The following RIMBP2 variants were observed in gnomAD, a reference collection of about 807,000 sequenced individuals.
RIMBP2 encodes the protein RIMS binding protein 2.
Under a neutral mutation model 118.6 loss-of-function variants are expected in RIMBP2, and 48 were observed. That is an observed-to-expected ratio of 0.40 (90% CI 0.32 to 0.51). The LOEUF (loss-of-function observed/expected upper bound fraction) is 0.51. Among genes scored for constraint, RIMBP2 ranks in the 20% least tolerant of loss-of-function variants. RIMBP2 has a pLI of 0.41. For synonymous variants in RIMBP2, 762 were observed against 742.9 expected (o/e 1.03, Z -0.42); for missense variants, 1,551 against 1,768.3 (o/e 0.88, Z 2.20).
chr12:130,582,157 C>T (rs2058525378), intron 2 of RIMBP2, among the ~76,000 whole-genome samples: 1 of 152,340 alleles, frequency 6.6e-6, no homozygotes, highest in Admixed American at 6.5e-5. Context: ...ATAGCACTCC[C>T]TACCTTTGAA....
rs74615553 is a variant in RIMBP2 at position 130,562,568 on chromosome 12, A to C, written c.-216-44651T>G. 2.0e-3 allele frequency among the ~76,000 whole-genome samples: 302 copies of C among 152,344 alleles called. 11 individuals are homozygous for C. The East Asian group carries it at 0.048, about 24-fold the overall frequency. On this transcript the variant is annotated intron_variant, in intron 2 of 22. Transcript: ENST00000690449. ...CTGGAAGCTCACATAGAAGAAAGAAAAATCTTTTCTAGTAGCCATCTATGA... is the reference window on the plus strand; with the variant it reads ...CTGGAAGCTCACATAGAAGAAAGAACAATCTTTTCTAGTAGCCATCTATGA...
chr12:130,669,460 C>T (rs185512821), intron 1 of RIMBP2, among the ~76,000 whole-genome samples: 7 of 152,210 alleles, frequency 4.6e-5, no homozygotes, highest in East Asian at 3.9e-4. Flanking sequence ...CACCACGGGG[C>T]GGTTTCCCCG....
intron 2 of RIMBP2, among the ~76,000 whole-genome samples, chr12:130,522,672 A>G (rs902565050): frequency 2.6e-5 from 4 of 152,300 alleles, no homozygotes; most frequent in African/African-American, 9.6e-5. Flanking sequence ...GGGGAGGTGC[A>G]GGGAGCCCCA....
intron 3 of RIMBP2, among the ~76,000 whole-genome samples, chr12:130,514,356 T>A (rs7305920): frequency 0.17 from 25,699 of 152,286 alleles, 2,529 homozygotes; most frequent in African/African-American, 0.27. Flanking sequence ...AACAAAGTGG[T>A]TTGAATCCTG....
intron 2 of RIMBP2, among the ~76,000 whole-genome samples, chr12:130,555,531 GATTAT>G (rs777916475): frequency 2.0e-5 from 3 of 152,072 alleles, no homozygotes; most frequent in Non-Finnish European, 4.4e-5. Context: ...ACAGAAATAT[GATTAT>G]ATTATTACAG....
At chr12:130,671,820 T>C (rs1282189895) in intron 1 of RIMBP2, among the ~76,000 whole-genome samples, 1 of 151,670 alleles carries the variant, frequency 6.6e-6, no homozygotes. Context: ...GGTTTAATGA[T>C]TGCCTGAAAT....
At chr12:130,641,571 C>T (rs1352775808) in intron 1 of RIMBP2, among the ~76,000 whole-genome samples, 4 of 152,196 alleles carry the variant, frequency 2.6e-5, no homozygotes, top group African/African-American at 9.6e-5. Flanking sequence ...TCATAACTGC[C>T]GCCCTCAATT....
rs556243628 is a variant in RIMBP2, at chr12:130,403,103, C to T, written c.3765+3069G>A. 2.2e-4 allele frequency among the ~76,000 whole-genome samples: 34 copies of T among 152,160 alleles called. No individual in the cohort carries two copies. In the South Asian group the frequency reaches 4.2e-3, roughly 19 times the overall value. On this transcript the variant is annotated intron_variant, in intron 21 of 22. Coordinates refer to ENST00000690449, the MANE Select transcript of RIMBP2 (RefSeq NM_001393629.1). ...GAGGGTGATATTACAATATTAGGAC[C>T]GGTGGAGTATTTGAATTCGCTCTCT...
chr12:130,712,063 C>T (rs1949956577), intron 1 of RIMBP2, among the ~76,000 whole-genome samples: 1 of 152,256 alleles, frequency 6.6e-6, no homozygotes, highest in Non-Finnish European at 1.5e-5. Flanking sequence ...CTGTATAGGG[C>T]GCTTAGCATG....
intron 17 of RIMBP2, among the ~76,000 whole-genome samples, chr12:130,421,471 A>G (rs2076398864): frequency 6.6e-6 from 1 of 152,224 alleles, no homozygotes; most frequent in Non-Finnish European, 1.5e-5. Flanking sequence ...GCAGGACACA[A>G]TTTCAAAGAA....
chr12:130,414,451 A>C, intron 17 of RIMBP2, 145 bp from the exon 18 acceptor site: 1 of 734,362 alleles, frequency 1.4e-6, no homozygotes, highest in Admixed American at 3.0e-5. Context: ...AGGTGGAAAT[A>C]GATCGGGAGG....
At chr12:130,459,590 AG>A (rs1192169951) in intron 6 of RIMBP2, among the ~76,000 whole-genome samples, 1 of 152,188 alleles carries the variant, frequency 6.6e-6, no homozygotes, top group Non-Finnish European at 1.5e-5. Flanking sequence ...CACCCCATCA[AG>A]GGGGCTAAGG....
intron 2 of RIMBP2, among the ~76,000 whole-genome samples, chr12:130,554,691 T>G (rs1027391246): frequency 1.3e-5 from 2 of 152,240 alleles, no homozygotes; most frequent in African/African-American, 4.8e-5. Flanking sequence ...AAAATAACTA[T>G]GCAGTGGGTG....
intron 14 of RIMBP2, 181 bp from the exon 15 acceptor site, chr12:130,428,518 C>T: frequency 1.8e-6 from 1 of 553,046 alleles, no homozygotes; most frequent in Non-Finnish European, 3.1e-6. Flanking sequence ...GACACACCCA[C>T]TCTCTCTGTT....
chr12:130,507,503 T>C (rs572895689), intron 3 of RIMBP2, among the ~76,000 whole-genome samples: 1 of 152,236 alleles, frequency 6.6e-6, no homozygotes, highest in East Asian at 1.9e-4. Context: ...TTATCTCATC[T>C]TAAAAGTGAA....
At chr12:130,654,595 C>T (rs1181019370) in intron 1 of RIMBP2, among the ~76,000 whole-genome samples, 1 of 152,214 alleles carries the variant, frequency 6.6e-6, no homozygotes, top group Non-Finnish European at 1.5e-5. Flanking sequence ...TGCCTATTAC[C>T]CAGTCCCAAA....
At chr12:130,692,768 C>A (rs2065371001) in intron 1 of RIMBP2, among the ~76,000 whole-genome samples, 1 of 143,336 alleles carries the variant, frequency 7.0e-6, no homozygotes, top group African/African-American at 2.6e-5. Flanking sequence ...AGAATAGAGA[C>A]ATGGAATGGG....
intron 2 of RIMBP2, among the ~76,000 whole-genome samples, chr12:130,522,616 G>A (rs536002766): frequency 5.4e-4 from 82 of 152,336 alleles, no homozygotes; most frequent in African/African-American, 1.7e-3. Flanking sequence ...GGGGCGCTGC[G>A]TAAAAGCAGC....
chr12:130,598,323 G>T (rs1282286438), intron 2 of RIMBP2, among the ~76,000 whole-genome samples: 1 of 152,104 alleles, frequency 6.6e-6, no homozygotes, highest in African/African-American at 2.4e-5. Context: ...TTGATCTACA[G>T]ATTCAACATG....
Sources: gnomAD v4.1 joint callset for allele counts (sites outside exome capture counted in the v4.1 genomes callset) on GRCh38, gnomAD v4.1.1 for gene constraint, MANE v1.5 for transcripts, NCBI Gene and HGNC (gene_info 2026-07-23, HGNC 2026-07-21) for gene names.